Variants in CLVS1 observed in about 807,000 individuals in gnomAD.
The protein encoded by CLVS1 is clavesin 1.
In CLVS1, 10 loss-of-function variants were observed where a neutral mutation model predicts 33.1. The observed-to-expected ratio is 0.30, with a 90% CI of 0.19 to 0.51. The LOEUF (loss-of-function observed/expected upper bound fraction) is 0.51. Ranked by LOEUF, CLVS1 falls within the 20% of genes least tolerant of loss-of-function variation. The pLI, the probability that CLVS1 is intolerant of heterozygous loss-of-function variation, is 0.97. For synonymous variants in CLVS1, 163 were observed against 166.1 expected (o/e 0.98, Z 0.14); for missense variants, 343 against 433.4 (o/e 0.79, Z 1.85).
chr8:61,012,485 G>C, the CLVS1 span, among the ~76,000 whole-genome samples: 3 of 152,224 alleles, frequency 2.0e-5, no homozygotes, highest in Non-Finnish European at 4.4e-5. Flanking sequence ...GATACAGCCC[G>C]AGAGTGATGG....
intron 2 of CLVS1, among the ~76,000 whole-genome samples, chr8:61,215,850 G>A (rs1049407686): frequency 1.1e-4 from 16 of 152,140 alleles, no homozygotes; most frequent in African/African-American, 3.9e-4. Context: ...TTGCTACTCA[G>A]GAAGCTGACC....
At chr8:61,357,489 C>CTTTTATTTTTTTTTTTTTTTTTT (rs1462908906) in intron 2 of CLVS1, among the ~76,000 whole-genome samples, 1 of 30,282 alleles carries the variant, frequency 3.3e-5, no homozygotes, top group Non-Finnish European at 7.4e-5. Flanking sequence ...TTTCCTTTTT[C>CTTTTATTTTTTTTTTTTTTTTTT]TTTTCTTTTT....
At chr8:61,283,867 A>G (rs1055429779), upstream of CLVS1, among the ~76,000 whole-genome samples, 7 of 152,352 alleles carry the variant, frequency 4.6e-5, no homozygotes, top group Non-Finnish European at 8.8e-5. Flanking sequence ...AGCTGATATC[A>G]AAGGTGGGAA....
At chr8:61,454,400 C>G in intron 4 of CLVS1, 149 bp downstream of exon 4, 1 of 660,236 alleles carries the variant, frequency 1.5e-6, no homozygotes, top group Non-Finnish European at 2.7e-6. Context: ...AGCATTTAAG[C>G]CTCAGCTGGA....
chr8:61,030,205 A>G, the CLVS1 span, among the ~76,000 whole-genome samples: 1 of 152,052 alleles, frequency 6.6e-6, no homozygotes, highest in Admixed American at 6.6e-5. Context: ...GGGCTTTAAA[A>G]CATTTAATTC....
intron 3 of CLVS1, among the ~76,000 whole-genome samples, chr8:61,384,062 G>C (rs1168573662): frequency 6.6e-6 from 1 of 152,238 alleles, no homozygotes; most frequent in Non-Finnish European, 1.5e-5. Context: ...GGCAAGGCCA[G>C]GCCTCAGCTG....
At chr8:60,975,218 T>C in the CLVS1 span, among the ~76,000 whole-genome samples, 2 of 152,214 alleles carry the variant, frequency 1.3e-5, no homozygotes, top group Non-Finnish European at 2.9e-5. Context: ...GTTGAATGCC[T>C]GCATAATCCT....
At chr8:61,281,648 A>G (rs529418030) in intron 2 of CLVS1, among the ~76,000 whole-genome samples, 2 of 152,320 alleles carry the variant, frequency 1.3e-5, no homozygotes, top group South Asian at 4.1e-4. Context: ...ACACACTAGT[A>G]CAGAGAGTGC....
intron 2 of CLVS1, among the ~76,000 whole-genome samples, chr8:61,169,205 A>C (rs1411776515): frequency 6.6e-6 from 1 of 152,222 alleles, no homozygotes; most frequent in Non-Finnish European, 1.5e-5. Flanking sequence ...GGCAGGGCAC[A>C]GAGACTGATA....
intron 2 of CLVS1, among the ~76,000 whole-genome samples, chr8:61,334,029 A>T (rs1359128856): frequency 6.6e-6 from 1 of 152,182 alleles, no homozygotes; most frequent in Non-Finnish European, 1.5e-5. Context: ...AAAAGACATG[A>T]TCTTGTTCTT....
At chr8:61,029,922 T>A in the CLVS1 span, among the ~76,000 whole-genome samples, 3 of 152,250 alleles carry the variant, frequency 2.0e-5, no homozygotes, top group South Asian at 6.2e-4. Flanking sequence ...TCTGTGACAG[T>A]TTTCTGGGAG....
chr8:61,205,190 C>A (rs895465805), intron 2 of CLVS1, among the ~76,000 whole-genome samples: 2 of 152,288 alleles, frequency 1.3e-5, no homozygotes, highest in South Asian at 4.2e-4. Flanking sequence ...GTTTACAGTT[C>A]TGTGGCATTA....
intron 5 of CLVS1, 21 bp downstream of exon 5, chr8:61,458,563 G>GC (rs33963114): frequency 0.066 from 76,928 of 1,165,224 alleles, 239 homozygotes; most frequent in East Asian, 0.14. Flanking sequence ...GGTTATCAGA[G>GC]CCCCCCCCCC....
chr8:61,192,750 C>T (rs1293918873), intron 2 of CLVS1, among the ~76,000 whole-genome samples: 1 of 152,114 alleles, frequency 6.6e-6, no homozygotes, highest in Non-Finnish European at 1.5e-5. Context: ...ATTTATGCAG[C>T]CAACAGACAC....
chr8:61,157,746 A>G (rs1263728183), intron 2 of CLVS1, among the ~76,000 whole-genome samples: 1 of 152,050 alleles, frequency 6.6e-6, no homozygotes, highest in African/African-American at 2.4e-5. Flanking sequence ...GGACCTAAAC[A>G]CTTCTCAAAA....
chr8:61,033,222 CAA>C, the CLVS1 span, among the ~76,000 whole-genome samples: 1 of 151,582 alleles, frequency 6.6e-6, no homozygotes, highest in Non-Finnish European at 1.5e-5. Flanking sequence ...CAAAACAAAA[CAA>C]CAACAACAAC....
intron 2 of CLVS1, among the ~76,000 whole-genome samples, chr8:61,329,843 T>C (rs1220459351): frequency 6.6e-6 from 1 of 152,218 alleles, no homozygotes; most frequent in East Asian, 1.9e-4. Flanking sequence ...CTTCAGTTAG[T>C]AATTGCTTTA....
At chr8:61,055,931 G>T (rs182399778), upstream of CLVS1, among the ~76,000 whole-genome samples, 1 of 152,356 alleles carries the variant, frequency 6.6e-6, no homozygotes, top group South Asian at 2.1e-4. Flanking sequence ...GCTCCACCAC[G>T]CTTAACATGT....
intron 3 of CLVS1, among the ~76,000 whole-genome samples, chr8:61,422,960 C>G (rs1400555658): frequency 6.6e-6 from 1 of 152,114 alleles, no homozygotes; most frequent in Non-Finnish European, 1.5e-5. Context: ...GTGGGAAATC[C>G]CTCCTACAGA....
Sources: allele counts gnomAD v4.1 joint callset (sites outside exome capture counted in the v4.1 genomes callset), GRCh38; gene constraint gnomAD v4.1.1; transcripts MANE v1.5; gene names NCBI Gene and HGNC (gene_info 2026-07-23, HGNC 2026-07-21).